Variants in TIAM1 observed in about 807,000 individuals in gnomAD.
The protein encoded by TIAM1 is rho guanine nucleotide exchange factor TIAM1.
In TIAM1, 65 loss-of-function variants were observed where a neutral mutation model predicts 163.5. That is an observed-to-expected ratio of 0.40 (90% CI 0.33 to 0.49). The LOEUF (loss-of-function observed/expected upper bound fraction) is 0.49. Among genes scored for constraint, TIAM1 ranks in the 20% least tolerant of loss-of-function variants. The pLI is 0.77. For missense variants in TIAM1, 1,789 were observed against 2,044.7 expected, an observed-to-expected ratio of 0.87 and a Z score of 2.41; for synonymous variants, 833 against 810.1, an observed-to-expected ratio of 1.03 and a Z score of -0.48.
At chr21:31,198,103 A>T (rs1032054630) in intron 12 of TIAM1, among the ~76,000 whole-genome samples, 1 of 152,254 alleles carries the variant, frequency 6.6e-6, no homozygotes, top group Non-Finnish European at 1.5e-5. Flanking sequence ...GCCAAGGTCA[A>T]TAACAAAAAA....
At chr21:31,275,022 T>TG (rs1427129607) in intron 3 of TIAM1, among the ~76,000 whole-genome samples, 1 of 151,422 alleles carries the variant, frequency 6.6e-6, no homozygotes, top group Non-Finnish European at 1.5e-5. Flanking sequence ...CTCGGGAGGC[T>TG]GAGGCACGAG....
chr21:31,233,139 T>C (rs960998459), intron 6 of TIAM1, among the ~76,000 whole-genome samples: 1 of 152,160 alleles, frequency 6.6e-6, no homozygotes. Context: ...AAAGGGAAAT[T>C]CATTTTAAAC....
chr21:31,538,241 T>G (rs1159184876), intron 1 of TIAM1, among the ~76,000 whole-genome samples: 1 of 152,200 alleles, frequency 6.6e-6, no homozygotes. Flanking sequence ...TTCAATAATT[T>G]TTTAATTAAA....
rs1014726409 is a variant in TIAM1, at chr21:31,119,415, C to T, written c.*953G>A. 4 of 152,190 alleles carry T rather than the reference C, an allele frequency of 2.6e-5. No individual in the cohort carries two copies. The highest frequency in any genetic ancestry group is 6.6e-5 in the Admixed American group (1 of 15,252). The allele number at this position is 152,190 out of a possible 1,614,324, so 9.4% of individuals were successfully genotyped here. On this transcript the variant is annotated 3_prime_UTR_variant, in exon 28 of 28. Coordinates refer to ENST00000541036, the MANE Select transcript of TIAM1 (RefSeq NM_001353694.2). ...TGCAACAGACACACACACCGCCCACCGGGGTGTCATGTTTAATCCAACCAA... is the reference window on the plus strand; with the variant it reads ...TGCAACAGACACACACACCGCCCACTGGGGTGTCATGTTTAATCCAACCAA...
At chr21:31,378,136 CAAAAAAAAAAAA>C (rs367907079) in intron 2 of TIAM1, among the ~76,000 whole-genome samples, 8 of 48,174 alleles carry the variant, frequency 1.7e-4, no homozygotes, top group Admixed American at 4.7e-4. Flanking sequence ...AACTCTGTCT[CAAAAAAAAAAAA>C]AAAAAAAAAG....
chr21:31,533,352 T>C (rs1173627858), intron 1 of TIAM1, among the ~76,000 whole-genome samples: 1 of 152,198 alleles, frequency 6.6e-6, no homozygotes, highest in Non-Finnish European at 1.5e-5. Flanking sequence ...AATTTTCTAG[T>C]AGCCACATGT....
intron 16 of TIAM1, chr21:31,160,669 A>G (rs2083868984): frequency 2.5e-6 from 1 of 394,394 alleles, no homozygotes; most frequent in Non-Finnish European, 4.5e-6. Context: ...TGGACGTCCC[A>G]TGCTGGTTTT....
chr21:31,287,114 A>G (rs1036228548), intron 2 of TIAM1, among the ~76,000 whole-genome samples: 2 of 152,244 alleles, frequency 1.3e-5, no homozygotes, highest in African/African-American at 2.4e-5. Context: ...ATATCTTACA[A>G]TCACAATGGT....
At chr21:31,272,261 G>C (rs1162998147) in intron 3 of TIAM1, among the ~76,000 whole-genome samples, 1 of 152,042 alleles carries the variant, frequency 6.6e-6, no homozygotes, top group Non-Finnish European at 1.5e-5. Flanking sequence ...AAAACAAAAT[G>C]ATTGTATGTG....
chr21:31,535,675 C>T (rs1602512463), intron 1 of TIAM1, among the ~76,000 whole-genome samples: 1 of 152,108 alleles, frequency 6.6e-6, no homozygotes, highest in Non-Finnish European at 1.5e-5. Context: ...GTCTTTTCCT[C>T]CTTCCCATTG....
At chr21:31,245,714 G>T in intron 5 of TIAM1, 54 bp from the exon 6 acceptor site, 1 of 1,342,530 alleles carries the variant, frequency 7.4e-7, no homozygotes, top group Non-Finnish European at 9.7e-7. Flanking sequence ...GGAAACAAAA[G>T]AACCCACAGT....
chr21:31,272,778 G>T (rs1267169724), intron 3 of TIAM1, among the ~76,000 whole-genome samples: 1 of 152,036 alleles, frequency 6.6e-6, no homozygotes. Context: ...AAAGCATCTA[G>T]AATATTCTAA....
intron 1 of TIAM1, among the ~76,000 whole-genome samples, chr21:31,496,402 G>A (rs1454159250): frequency 2.6e-4 from 7 of 27,202 alleles, no homozygotes; most frequent in African/African-American, 1.2e-3. Flanking sequence ...TCCAGGAGAC[G>A]AAGTTTGCAG....
intron 2 of TIAM1, among the ~76,000 whole-genome samples, chr21:31,298,735 G>GGTGTGTGTGT (rs147701527): frequency 0.032 from 4,435 of 138,488 alleles, 93 homozygotes; most frequent in African/African-American, 0.049. Context: ...TCCAATTGAG[G>GGTGTGTGTGT]GTGTGTGTGT....
At chr21:31,459,007 C>T (rs921245574) in intron 2 of TIAM1, among the ~76,000 whole-genome samples, 1 of 152,030 alleles carries the variant, frequency 6.6e-6, no homozygotes, top group African/African-American at 2.4e-5. Flanking sequence ...AGAGGCGGGG[C>T]CAAATCCCTT....
At chr21:31,273,472 C>T (rs963347939) in intron 3 of TIAM1, among the ~76,000 whole-genome samples, 11 of 152,212 alleles carry the variant, frequency 7.2e-5, no homozygotes, top group African/African-American at 2.7e-4. Context: ...AACCCTCAGA[C>T]TAACCCCTGA....
intron 3 of TIAM1, among the ~76,000 whole-genome samples, chr21:31,274,920 C>A (rs1337973557): frequency 6.7e-6 from 1 of 149,796 alleles, no homozygotes; most frequent in Non-Finnish European, 1.5e-5. Context: ...ACTAGTCTGG[C>A]CAGTATGGTG....
chr21:31,367,085 G>A (rs2076516512), intron 2 of TIAM1, among the ~76,000 whole-genome samples: 1 of 152,080 alleles, frequency 6.6e-6, no homozygotes, highest in East Asian at 1.9e-4. Flanking sequence ...TGCAATCCCA[G>A]GCAGGAAGCC....
chr21:31,447,098 A>G (rs563359), intron 2 of TIAM1, among the ~76,000 whole-genome samples: 124,737 of 152,008 alleles, frequency 0.82, 51,545 homozygotes, highest in East Asian at 0.92. Context: ...TAAGAAAGAT[A>G]GAAAAGTAGG....
Sources: gnomAD v4.1 joint callset for allele counts (sites outside exome capture counted in the v4.1 genomes callset) on GRCh38, gnomAD v4.1.1 for gene constraint, MANE v1.5 for transcripts, NCBI Gene and HGNC (gene_info 2026-07-23, HGNC 2026-07-21) for gene names.